Variants in CDH11 observed in about 807,000 individuals in gnomAD.
CDH11 encodes the protein cadherin 11.
Under a neutral mutation model 67.8 loss-of-function variants are expected in CDH11, and 11 were observed. The ratio of observed to expected loss-of-function variants is 0.16; its 90% CI spans 0.10 to 0.27. The LOEUF (loss-of-function observed/expected upper bound fraction) is 0.27. Among genes scored for constraint, CDH11 ranks in the 10% least tolerant of loss-of-function variants. CDH11 has a pLI of 1.00. For missense variants in CDH11, 847 were observed against 1,031.2 expected (o/e 0.82, Z 2.45); for synonymous variants, 419 against 400.0 (o/e 1.05, Z -0.57).
rs552746144 is a variant in CDH11 at position 64,982,057 on chromosome 16, C to T, written c.1244G>A (p.Ser415Asn). 1.2e-6 allele frequency: 2 copies of T among 1,612,188 alleles called. No individual in the cohort carries two copies. Among genetic ancestry groups the T allele is most frequent in the East Asian group, 2.2e-5 (1 of 44,854 alleles). Residue 415 changes from serine to asparagine, a missense_variant, in exon 8 of 13, where the codon AGC (serine) becomes AAC (asparagine). Ser to Asn is a conservative substitution (Grantham distance 46). Around this residue, in one of 2 missense-constraint regions of CDH11, gnomAD observed 612 missense variants for 678.7 expected, o/e 0.90. Coordinates refer to ENST00000268603, the MANE Select transcript of CDH11 (RefSeq NM_001797.4). The stretch of plus-strand genomic sequence containing the variant: ...ATAAATCCGTCTGTACCTTATCGGG[C>T]TGTTGGCAGCATCAGGGTCTTTGGC... Reference protein sequence around the residue: ...VHAKDPDAANSPIRYSIDRHT... With the variant: ...VHAKDPDAANNPIRYSIDRHT...
intron 3 of CDH11, among the ~76,000 whole-genome samples, chr16:65,000,779 A>T (rs561440538): frequency 2.4e-4 from 37 of 152,290 alleles, no homozygotes; most frequent in African/African-American, 8.2e-4. Context: ...ACTGTACTCC[A>T]GCCTGGCAGA....
rs2072536014 is a variant in CDH11 at position 64,988,233 on chromosome 16, A to G, written c.923T>C (p.Val308Ala). Residue 308 changes from valine (V) to alanine (A), a missense_variant, in exon 7 of 13, where the codon GTT becomes GCT. Physicochemically the swap from Val to Ala is moderately conservative, Grantham distance 64. Coordinates refer to ENST00000268603, the MANE Select transcript of CDH11 (RefSeq NM_001797.4). ...AAACGATTCCATACCATCTCCATCA[A>G]CAATATTGTATGTGACTAAGCCATT... Reference protein sequence around the residue: ...GENGLVTYNIVDGDGMESFEI... With the variant: ...GENGLVTYNIADGDGMESFEI... 1 of 1,613,444 alleles carries G rather than the reference A, an allele frequency of 6.2e-7. No individual in the cohort carries two copies. The highest frequency in any genetic ancestry group is 2.2e-5 in the East Asian group (1 of 44,866).
At chr16:64,989,513 C>G (rs549060159) in intron 6 of CDH11, among the ~76,000 whole-genome samples, 2 of 152,194 alleles carry the variant, frequency 1.3e-5, no homozygotes, top group South Asian at 4.2e-4. Flanking sequence ...TAAAAACTAC[C>G]AGCCAGGTGA....
At chr16:65,089,441 G>A (rs944917277) in intron 1 of CDH11, among the ~76,000 whole-genome samples, 1 of 151,934 alleles carries the variant, frequency 6.6e-6, no homozygotes, top group Non-Finnish European at 1.5e-5. Context: ...AATTCAAATC[G>A]CCCTTGTGAA....
chr16:64,956,632 G>A (rs2071519766), intron 11 of CDH11, among the ~76,000 whole-genome samples: 1 of 152,162 alleles, frequency 6.6e-6, no homozygotes. Context: ...GCCAAAACTT[G>A]CAAATAGGGC....
Position 64,976,767 on chromosome 16 carries a change from G to GA in CDH11, c.1254-3728dup, listed in dbSNP as rs535761192. On this transcript the variant is annotated intron_variant, in intron 8 of 12. Coordinates refer to ENST00000268603, the MANE Select transcript of CDH11 (RefSeq NM_001797.4). ...CCAGCTACTTGGGAGAGAATTGCTT[G>GA]AACCCAGGAGGCGGAGGTTGCAGTG... Among the ~76,000 whole-genome samples the GA allele has an allele frequency of 5.9e-4, 90 of 152,248 alleles. 1 individual carries two copies. Among genetic ancestry groups the GA allele is most frequent in the Middle Eastern group, 6.8e-3 (2 of 294 alleles).
intron 1 of CDH11, among the ~76,000 whole-genome samples, chr16:65,109,430 T>C (rs1348282957): frequency 6.6e-6 from 1 of 152,192 alleles, no homozygotes; most frequent in Admixed American, 6.5e-5. Context: ...AGTTTTTAAC[T>C]GTGTGTCCTT....
intron 1 of CDH11, among the ~76,000 whole-genome samples, chr16:65,084,108 A>T (rs1200869895): frequency 6.6e-6 from 1 of 152,198 alleles, no homozygotes; most frequent in East Asian, 1.9e-4. Context: ...TAAGTGCTGA[A>T]GTTGAGAAAC....
Position 65,020,480 on chromosome 16 carries a change from C to A in CDH11, c.-172-15439G>T, listed in dbSNP as rs996968413. ...AAGTAGCTGGAATTACAAGAGCACA[C>A]AACCACACCCAGCTAATTTTTTGTA... On this transcript the variant is annotated intron_variant, in intron 2 of 12. Coordinates refer to ENST00000268603, the MANE Select transcript of CDH11 (RefSeq NM_001797.4). 3.9e-5 allele frequency among the ~76,000 whole-genome samples: 6 copies of A among 152,126 alleles called. No individual in the cohort carries two copies. In the South Asian group the frequency reaches 8.3e-4, roughly 21 times the overall value.
chr16:65,003,764 G>A (rs143456832), intron 3 of CDH11, among the ~76,000 whole-genome samples: 26 of 152,230 alleles, frequency 1.7e-4, no homozygotes, highest in African/African-American at 5.1e-4. Context: ...CCATGCCTGT[G>A]GAAACAGGGA....
chr16:65,113,850 C>T (rs971648466), intron 1 of CDH11, among the ~76,000 whole-genome samples: 16 of 152,030 alleles, frequency 1.1e-4, no homozygotes, highest in Non-Finnish European at 1.9e-4. Context: ...AAGATGCTGG[C>T]GACAATCTTA....
At chr16:65,045,324 C>CA (rs2073936172) in intron 2 of CDH11, among the ~76,000 whole-genome samples, 1 of 72,156 alleles carries the variant, frequency 1.4e-5, no homozygotes. Context: ...TTGTTTCCCT[C>CA]AAAAGTATAT....
chr16:65,076,760 T>A (rs1484403591), intron 1 of CDH11, among the ~76,000 whole-genome samples: 3 of 150,120 alleles, frequency 2.0e-5, no homozygotes, highest in Non-Finnish European at 4.4e-5. Context: ...CTCCCACTTA[T>A]GAGTGAGAAC....
intron 2 of CDH11, among the ~76,000 whole-genome samples, chr16:65,026,914 A>G (rs878359): frequency 0.25 from 38,049 of 152,184 alleles, 5,830 homozygotes; most frequent in Middle Eastern, 0.36. Flanking sequence ...GTAGGAAGGC[A>G]GCCAGACGAT....
chr16:65,042,738 C>T (rs2142674072), intron 2 of CDH11, among the ~76,000 whole-genome samples: 1 of 152,314 alleles, frequency 6.6e-6, no homozygotes, highest in East Asian at 1.9e-4. Flanking sequence ...GACCTGTCTT[C>T]CCTCCATCTG....
At chr16:65,031,692 G>T (rs1461028892) in intron 2 of CDH11, among the ~76,000 whole-genome samples, 1 of 152,108 alleles carries the variant, frequency 6.6e-6, no homozygotes, top group African/African-American at 2.4e-5. Context: ...GAAAATACAG[G>T]CAGGAGGTGG....
chr16:65,102,287 C>A (rs991671546), intron 1 of CDH11, among the ~76,000 whole-genome samples: 5 of 152,182 alleles, frequency 3.3e-5, no homozygotes, highest in Non-Finnish European at 7.3e-5. Context: ...TAGCTATAGA[C>A]CCAAAATCTT....
At chr16:64,992,153 G>A (rs1239124947) in intron 5 of CDH11, among the ~76,000 whole-genome samples, 1 of 152,072 alleles carries the variant, frequency 6.6e-6, no homozygotes, top group Non-Finnish European at 1.5e-5. Context: ...TTGTATTTAT[G>A]TTTTGTTGTA....
intron 12 of CDH11, chr16:64,948,648 G>A: frequency 6.2e-7 from 1 of 1,612,012 alleles, no homozygotes; most frequent in Non-Finnish European, 8.5e-7. Context: ...CCACATAGAG[G>A]AAAGGAAGTT....
Sources: gnomAD v4.1 joint callset for allele counts (sites outside exome capture counted in the v4.1 genomes callset) on GRCh38, gnomAD v4.1.1 for gene constraint, gnomAD v4.1.1 regional missense constraint, MANE v1.5 for transcripts, NCBI Gene and HGNC (gene_info 2026-07-23, HGNC 2026-07-21) for gene names.